Variants in TM4SF5 observed in about 807,000 individuals in gnomAD.
TM4SF5 encodes transmembrane 4 L6 family member 5.
In TM4SF5, 16 loss-of-function variants were observed where a neutral mutation model predicts 22.3. The ratio of observed to expected loss-of-function variants is 0.72; its 90% CI spans 0.49 to 1.09. The LOEUF (loss-of-function observed/expected upper bound fraction) is 1.09. TM4SF5 is among the 50% of genes least tolerant of loss of function. TM4SF5 has a pLI of 0.00. For missense variants in TM4SF5, 249 were observed against 266.1 expected (o/e 0.94, Z 0.45); for synonymous variants, 113 against 109.6 (o/e 1.03, Z -0.19).
chr17:4,775,063 A>G lies in TM4SF5; in HGVS notation c.177+2964A>G, dbSNP rs563016278. ...CAAGAAGAAGGTGTGAGTGTTGCAG[A>G]CACTAGGGGCTGGTAGTACAAAGCC... On this transcript the variant is annotated intron_variant, in intron 1 of 4. Coordinates refer to ENST00000270560, the MANE Select transcript of TM4SF5 (RefSeq NM_003963.3). 1.4e-4 allele frequency among the ~76,000 whole-genome samples: 22 copies of G among 152,192 alleles called. No homozygotes were observed. The South Asian group carries it at 4.6e-3, about 32-fold the overall frequency.
intron 2 of TM4SF5, among the ~76,000 whole-genome samples, chr17:4,781,111 T>C (rs1490238388): frequency 3.7e-5 from 5 of 134,626 alleles, no homozygotes; most frequent in Non-Finnish European, 7.6e-5. Flanking sequence ...GCCCAGGAGG[T>C]CCAGGCTGCA....
intron 1 of TM4SF5, among the ~76,000 whole-genome samples, chr17:4,774,142 G>GC (rs1455617794): frequency 6.6e-6 from 1 of 152,172 alleles, no homozygotes; most frequent in Non-Finnish European, 1.5e-5. Flanking sequence ...AACCCGGGAG[G>GC]CAGAGGTTGC....
At chr17:4,774,937 G>A (rs1042944148) in intron 1 of TM4SF5, among the ~76,000 whole-genome samples, 1 of 152,116 alleles carries the variant, frequency 6.6e-6, no homozygotes, top group African/African-American at 2.4e-5. Context: ...AAAATGAAAT[G>A]GTGCTGGCAT....
intron 3 of TM4SF5, 48 bp downstream of exon 3, chr17:4,782,687 C>G: frequency 1.9e-6 from 3 of 1,606,872 alleles, no homozygotes; most frequent in Non-Finnish European, 2.6e-6. Context: ...CCTCTTCCCT[C>G]CCGCCCTTCC....
intron 1 of TM4SF5, among the ~76,000 whole-genome samples, chr17:4,780,352 G>A (rs1917279606): frequency 6.6e-6 from 1 of 152,070 alleles, no homozygotes; most frequent in Admixed American, 6.6e-5. Flanking sequence ...ACCGCGCCCG[G>A]CCTCTGAGCC....
chr17:4,779,877 C>T (rs1917268422), intron 1 of TM4SF5, among the ~76,000 whole-genome samples: 1 of 151,934 alleles, frequency 6.6e-6, no homozygotes, highest in African/African-American at 2.4e-5. Context: ...TTAGGAAAGC[C>T]ACAGGGAGAA....
chr17:4,779,518 T>C (rs1917263674), intron 1 of TM4SF5, among the ~76,000 whole-genome samples: 2 of 151,674 alleles, frequency 1.3e-5, no homozygotes, highest in African/African-American at 4.9e-5. Flanking sequence ...GAGAGTGTAA[T>C]AGGGAGGCTG....
chr17:4,774,428 T>G (rs1486806309), intron 1 of TM4SF5, among the ~76,000 whole-genome samples: 1 of 151,640 alleles, frequency 6.6e-6, no homozygotes, highest in East Asian at 1.9e-4. Flanking sequence ...CAATTAATAG[T>G]CATGGAATGG....
intron 1 of TM4SF5, among the ~76,000 whole-genome samples, chr17:4,776,966 G>A (rs1033471749): frequency 3.9e-5 from 6 of 152,074 alleles, no homozygotes; most frequent in East Asian, 1.9e-4. Flanking sequence ...TTTGGAGGCC[G>A]AGGCCAGCGG....
At chr17:4,774,554 TA>T (rs905668771) in intron 1 of TM4SF5, among the ~76,000 whole-genome samples, 11 of 147,096 alleles carry the variant, frequency 7.5e-5, no homozygotes, top group Admixed American at 6.8e-4. Context: ...CTCAAGAAAA[TA>T]AAAAATAAAA....
At chr17:4,772,303 G>A (rs187582410) in intron 1 of TM4SF5, among the ~76,000 whole-genome samples, 9 of 152,270 alleles carry the variant, frequency 5.9e-5, no homozygotes, top group African/African-American at 1.7e-4. Context: ...CAGAAAGGAC[G>A]AGAGCCTCAC....
At chr17:4,773,716 T>C (rs947450479) in intron 1 of TM4SF5, among the ~76,000 whole-genome samples, 8 of 152,066 alleles carry the variant, frequency 5.3e-5, no homozygotes, top group Non-Finnish European at 8.8e-5. Context: ...TAAACTCAAC[T>C]CTCTTTGAGA....
chr17:4,774,368 G>A (rs956150467), intron 1 of TM4SF5, among the ~76,000 whole-genome samples: 1 of 152,066 alleles, frequency 6.6e-6, no homozygotes, highest in African/African-American at 2.4e-5. Flanking sequence ...CTGCTTTGTT[G>A]GCCACTATGT....
intron 3 of TM4SF5, 82 bp downstream of exon 3, chr17:4,782,721 G>A: frequency 1.9e-6 from 3 of 1,588,142 alleles, no homozygotes; most frequent in Non-Finnish European, 2.6e-6. Flanking sequence ...ACACCTGGGC[G>A]GGACTCGACT....
At chr17:4,781,132 A>C (rs1917299265) in intron 2 of TM4SF5, among the ~76,000 whole-genome samples, 1 of 127,540 alleles carries the variant, frequency 7.8e-6, no homozygotes, top group Non-Finnish European at 1.6e-5. Flanking sequence ...GTAAGCAGTG[A>C]TTTAAAAAAA....
At chr17:4,775,260 G>T (rs1917184013) in intron 1 of TM4SF5, among the ~76,000 whole-genome samples, 2 of 151,324 alleles carry the variant, frequency 1.3e-5, no homozygotes, top group Non-Finnish European at 2.9e-5. Flanking sequence ...ACTATTGAAG[G>T]ACTTTTTTTT....
intron 1 of TM4SF5, among the ~76,000 whole-genome samples, chr17:4,779,853 G>C (rs929303028): frequency 1.3e-5 from 2 of 152,122 alleles, no homozygotes; most frequent in Non-Finnish European, 2.9e-5. Context: ...TTCCCTGAAA[G>C]GGGATGGGCA....
intron 2 of TM4SF5, among the ~76,000 whole-genome samples, chr17:4,781,706 G>A (rs554375212): frequency 5.9e-5 from 9 of 151,768 alleles, no homozygotes; most frequent in Admixed American, 2.6e-4. Flanking sequence ...TAGTAGAGAC[G>A]GGGTTTCACT....
chr17:4,780,691 G>A (rs1191647164), intron 1 of TM4SF5, 98 bp from the exon 2 acceptor site: 2 of 888,492 alleles, frequency 2.3e-6, no homozygotes, highest in Non-Finnish European at 3.5e-6. Flanking sequence ...AAGGGCTGAA[G>A]GCATCACAGG....
Sources: gnomAD v4.1 joint callset for allele counts (sites outside exome capture counted in the v4.1 genomes callset) on GRCh38, gnomAD v4.1.1 for gene constraint, MANE v1.5 for transcripts, NCBI Gene and HGNC (gene_info 2026-07-23, HGNC 2026-07-21) for gene names.